The following PCSK6 variants were observed in gnomAD, a reference collection of about 807,000 sequenced individuals.
The protein encoded by PCSK6 is paired basic amino acid cleaving enzyme 4.
In PCSK6, 85 loss-of-function variants were observed where a neutral mutation model predicts 123.3. That is an observed-to-expected ratio of 0.69 (90% CI 0.58 to 0.83). PCSK6 has a LOEUF of 0.83. Among genes scored for constraint, PCSK6 ranks in the 40% least tolerant of loss-of-function variants. The probability of loss-of-function intolerance (pLI) is 0.00; values close to 1 mark genes in which losing one functional copy is unlikely to be tolerated. For synonymous variants in PCSK6, 508 were observed against 516.0 expected (o/e 0.98, Z 0.21); for missense variants, 1,191 against 1,282.3 (o/e 0.93, Z 1.09).
intron 6 of PCSK6, among the ~76,000 whole-genome samples, chr15:101,419,961 T>C (rs981139928): frequency 1.3e-5 from 2 of 151,924 alleles, no homozygotes; most frequent in East Asian, 3.9e-4. Flanking sequence ...CTGAGGCAGG[T>C]GGATCACCTG....
At chr15:101,460,754 A>G (rs748998385) in intron 1 of PCSK6, among the ~76,000 whole-genome samples, 1 of 152,228 alleles carries the variant, frequency 6.6e-6, no homozygotes, top group Non-Finnish European at 1.5e-5. Context: ...AAGACTAAAC[A>G]TGTCACACAT....
At chr15:101,453,366 T>C (rs1419026440) in intron 1 of PCSK6, among the ~76,000 whole-genome samples, 2 of 152,166 alleles carry the variant, frequency 1.3e-5, no homozygotes, top group African/African-American at 4.8e-5. Flanking sequence ...GTGCAGCTGA[T>C]GTGTTAGTGG....
At chr15:101,404,362 G>C (rs1476023023) in intron 6 of PCSK6, among the ~76,000 whole-genome samples, 1 of 152,204 alleles carries the variant, frequency 6.6e-6, no homozygotes, top group African/African-American at 2.4e-5. Flanking sequence ...TCTGGGTGGA[G>C]AGGAGGGGTC....
At chr15:101,476,908 G>A (rs117922903) in intron 1 of PCSK6, among the ~76,000 whole-genome samples, 3,290 of 152,290 alleles carry the variant, frequency 0.022, 62 homozygotes, top group Middle Eastern at 0.037. Flanking sequence ...TGGTGATGCC[G>A]GACGGGAGAT....
At chr15:101,482,579 C>A (rs932886290) in intron 1 of PCSK6, among the ~76,000 whole-genome samples, 1 of 152,148 alleles carries the variant, frequency 6.6e-6, no homozygotes, top group Non-Finnish European at 1.5e-5. Context: ...ATGCAGTTGG[C>A]GGACACTGGA....
chr15:101,471,799 C>T (rs1327727603), intron 1 of PCSK6, among the ~76,000 whole-genome samples: 1 of 152,184 alleles, frequency 6.6e-6, no homozygotes, highest in African/African-American at 2.4e-5. Flanking sequence ...CAACCTCCAG[C>T]TTTCATGCCC....
At chr15:101,366,427 G>A in intron 12 of PCSK6, 95 bp from the exon 13 acceptor site, 1 of 1,285,070 alleles carries the variant, frequency 7.8e-7, no homozygotes, top group South Asian at 1.5e-5. Context: ...GGGACTGTAT[G>A]ACCTGGCTGG....
At chr15:101,464,755 C>T (rs1159459771) in intron 1 of PCSK6, among the ~76,000 whole-genome samples, 1 of 152,178 alleles carries the variant, frequency 6.6e-6, no homozygotes, top group African/African-American at 2.4e-5. Flanking sequence ...AGCTGGTCTC[C>T]TCACCAAGGG....
At chr15:101,395,348 C>G (rs2042376529) in intron 7 of PCSK6, among the ~76,000 whole-genome samples, 1 of 152,214 alleles carries the variant, frequency 6.6e-6, no homozygotes, top group African/African-American at 2.4e-5. Flanking sequence ...CCCTAATGAG[C>G]TCCCAGGGGA....
intron 13 of PCSK6, among the ~76,000 whole-genome samples, chr15:101,351,761 G>A (rs2040896036): frequency 6.6e-6 from 1 of 152,252 alleles, no homozygotes; most frequent in African/African-American, 2.4e-5. Context: ...TGGGTGGTGG[G>A]AAAATGGGGA....
chr15:101,480,606 AG>A (rs1363634737), intron 1 of PCSK6, among the ~76,000 whole-genome samples: 3 of 152,210 alleles, frequency 2.0e-5, no homozygotes, highest in Admixed American at 2.0e-4. Context: ...AGATGCTCAA[AG>A]GGCAGAGGCA....
intron 1 of PCSK6, among the ~76,000 whole-genome samples, chr15:101,453,964 A>G (rs1478272088): frequency 6.6e-6 from 1 of 152,202 alleles, no homozygotes; most frequent in East Asian, 1.9e-4. Context: ...CATGGATCAG[A>G]GAACAAACTA....
chr15:101,405,540 G>A (rs963306225), intron 6 of PCSK6, among the ~76,000 whole-genome samples: 1 of 152,136 alleles, frequency 6.6e-6, no homozygotes, highest in Non-Finnish European at 1.5e-5. Context: ...GCCCACAGAA[G>A]CTCCATCCAG....
At chr15:101,449,234 A>C (rs1292532424) in intron 1 of PCSK6, among the ~76,000 whole-genome samples, 2 of 152,198 alleles carry the variant, frequency 1.3e-5, no homozygotes, top group Non-Finnish European at 2.9e-5. Context: ...TATAATACCT[A>C]ATACAATGTA....
At chr15:101,345,025 C>G (rs2040698098) in intron 13 of PCSK6, among the ~76,000 whole-genome samples, 1 of 152,140 alleles carries the variant, frequency 6.6e-6, no homozygotes, top group Admixed American at 6.5e-5. Context: ...AGTTATTGGA[C>G]TTGTTTGTAA....
chr15:101,469,203 TTTAA>T (rs1395302114), intron 1 of PCSK6, among the ~76,000 whole-genome samples: 2 of 152,192 alleles, frequency 1.3e-5, no homozygotes, highest in Non-Finnish European at 2.9e-5. Flanking sequence ...CTCCTGCTCA[TTTAA>T]TTAAGATGGT....
chr15:101,307,399 TCACCTCCCTG>T (rs2039750327), intron 20 of PCSK6, 74 bp from the exon 21 acceptor site: 1 of 1,068,800 alleles, frequency 9.4e-7, no homozygotes, highest in Non-Finnish European at 1.4e-6. Flanking sequence ...CCCAGAACCC[TCACCTCCCTG>T]CACCTCCTTC....
intron 15 of PCSK6, among the ~76,000 whole-genome samples, chr15:101,327,033 C>T (rs1472636124): frequency 2.0e-5 from 3 of 152,158 alleles, no homozygotes; most frequent in Non-Finnish European, 4.4e-5. Context: ...CCTGGTGGGG[C>T]TGTTGCTGGC....
chr15:101,442,697 C>T (rs1013742459), intron 2 of PCSK6, among the ~76,000 whole-genome samples: 9 of 152,068 alleles, frequency 5.9e-5, no homozygotes, highest in African/African-American at 1.7e-4. Context: ...CTAGTATATA[C>T]GTTAACTTTT....
Sources: gnomAD v4.1 joint callset for allele counts (sites outside exome capture counted in the v4.1 genomes callset) on GRCh38, gnomAD v4.1.1 for gene constraint, MANE v1.5 for transcripts, NCBI Gene and HGNC (gene_info 2026-07-23, HGNC 2026-07-21) for gene names.